The following SWAP70 variants were observed in gnomAD, a reference collection of about 807,000 sequenced individuals.
The protein encoded by SWAP70 is switch-associated protein 70.
SWAP70 carries 34 observed loss-of-function variants against 80.2 expected under a neutral mutation model. The observed-to-expected ratio is 0.42, with a 90% CI of 0.32 to 0.56. The LOEUF is 0.56. SWAP70 is among the 20% of genes least tolerant of loss of function. The pLI is 0.09. For missense variants in SWAP70, 578 were observed against 690.7 expected (o/e 0.84, Z 1.83); for synonymous variants, 239 against 238.5 (o/e 1.00, Z -0.02).
At chr11:9,728,647 A>G (rs767820435) in intron 5 of SWAP70, among the ~76,000 whole-genome samples, 4 of 152,244 alleles carry the variant, frequency 2.6e-5, no homozygotes, top group Non-Finnish European at 5.9e-5. Flanking sequence ...CACTTTATTC[A>G]TAGGTACTAA....
At chr11:9,744,801 G>A (rs57590863) in intron 9 of SWAP70, among the ~76,000 whole-genome samples, 1 of 151,886 alleles carries the variant, frequency 6.6e-6, no homozygotes, top group Non-Finnish European at 1.5e-5. Context: ...CCAGCTACTC[G>A]GGAGGCTGAG....
intron 1 of SWAP70, among the ~76,000 whole-genome samples, chr11:9,685,808 A>G (rs781385577): frequency 3.2e-4 from 49 of 151,950 alleles, no homozygotes; most frequent in Non-Finnish European, 1.3e-4. Flanking sequence ...TAATTTTTGT[A>G]TTTTTAGTAG....
chr11:9,681,986 C>T (rs543522476), intron 1 of SWAP70, among the ~76,000 whole-genome samples: 5 of 152,262 alleles, frequency 3.3e-5, no homozygotes, highest in South Asian at 2.1e-4. Context: ...AATGGGAAAT[C>T]ACTTCTCTTT....
intron 6 of SWAP70, among the ~76,000 whole-genome samples, chr11:9,731,496 G>A (rs1289075924): frequency 1.3e-5 from 2 of 152,192 alleles, no homozygotes; most frequent in African/African-American, 2.4e-5. Context: ...GACATAGATT[G>A]CAAACAATCT....
At chr11:9,694,111 T>C in intron 1 of SWAP70, 35 bp from the exon 2 acceptor site, 1 of 1,565,888 alleles carries the variant, frequency 6.4e-7, no homozygotes, top group South Asian at 1.2e-5. Flanking sequence ...TGCTGGTTAG[T>C]GGGAGTCTTT....
At chr11:9,671,621 T>TAA (rs1850398375) in intron 1 of SWAP70, among the ~76,000 whole-genome samples, 1 of 89,160 alleles carries the variant, frequency 1.1e-5, no homozygotes. Flanking sequence ...AATATATTTC[T>TAA]ATATAAATAT....
chr11:9,719,534 TAA>T (rs953848431), intron 3 of SWAP70, among the ~76,000 whole-genome samples: 11 of 144,866 alleles, frequency 7.6e-5, no homozygotes, highest in African/African-American at 1.8e-4. Context: ...AGACTCCATC[TAA>T]AAAAAAAAAA....
intron 8 of SWAP70, among the ~76,000 whole-genome samples, chr11:9,739,466 A>T (rs1271098459): frequency 2.0e-5 from 3 of 152,258 alleles, no homozygotes. Context: ...GGATTATCAC[A>T]TGCTCTCTCA....
At chr11:9,729,597 C>A in intron 6 of SWAP70, 146 bp downstream of exon 6, 1 of 653,444 alleles carries the variant, frequency 1.5e-6, no homozygotes, top group Non-Finnish European at 2.7e-6. Context: ...CTCCTGGGTT[C>A]AAGCAATTAT....
chr11:9,724,716 A>G lies in SWAP70; in HGVS notation c.473A>G (p.Gln158Arg). 1 of 1,614,190 alleles carries G rather than the reference A, an allele frequency of 6.2e-7. No individual in the cohort carries two copies. Among genetic ancestry groups the G allele is most frequent in the Non-Finnish European group, 8.5e-7 (1 of 1,180,030 alleles). The change falls in exon 4 of 12, where the codon CAA becomes CGA. Residue 158 changes from glutamine (Q) to arginine (R), a missense_variant. Coordinates refer to ENST00000318950, the MANE Select transcript of SWAP70 (RefSeq NM_015055.4). ...ATGGGAGGAGGTTGGCAGCAAGAACAATTTGAACATTATAAAATCAACTTT... is the reference window on the plus strand; with the variant it reads ...ATGGGAGGAGGTTGGCAGCAAGAACGATTTGAACATTATAAAATCAACTTT... Reference protein sequence around the residue: ...EAMGGGWQQEQFEHYKINFDD... With the variant: ...EAMGGGWQQERFEHYKINFDD...
intron 4 of SWAP70, among the ~76,000 whole-genome samples, chr11:9,726,178 A>G (rs1218585863): frequency 6.6e-6 from 1 of 152,166 alleles, no homozygotes; most frequent in Non-Finnish European, 1.5e-5. Context: ...TGTGGAAAAA[A>G]AAATACCTTT....
intron 9 of SWAP70, among the ~76,000 whole-genome samples, chr11:9,743,023 A>G (rs1358219467): frequency 6.8e-6 from 1 of 147,394 alleles, no homozygotes; most frequent in African/African-American, 2.5e-5. Context: ...AGCATTAGGT[A>G]TATCTCCTAA....
At chr11:9,671,602 T>TA (rs1850396733) in intron 1 of SWAP70, among the ~76,000 whole-genome samples, 2 of 66,730 alleles carry the variant, frequency 3.0e-5, no homozygotes, top group Non-Finnish European at 5.6e-5. Context: ...ATAAATATAT[T>TA]TATATAGAAA....
At chr11:9,685,967 A>G (rs1486906151) in intron 1 of SWAP70, among the ~76,000 whole-genome samples, 1 of 152,166 alleles carries the variant, frequency 6.6e-6, no homozygotes, top group Non-Finnish European at 1.5e-5. Context: ...CACATTGGAG[A>G]TTAAGTTTCA....
chr11:9,674,391 A>G (rs1306569611), intron 1 of SWAP70, among the ~76,000 whole-genome samples: 3 of 152,114 alleles, frequency 2.0e-5, no homozygotes, highest in Non-Finnish European at 4.4e-5. Flanking sequence ...GAACTATAGA[A>G]CACAGATTTA....
At chr11:9,718,060 G>C (rs1403397993) in intron 3 of SWAP70, among the ~76,000 whole-genome samples, 1 of 152,242 alleles carries the variant, frequency 6.6e-6, no homozygotes, top group African/African-American at 2.4e-5. Flanking sequence ...CTGTAGGCCA[G>C]AGCCCAGCCA....
At chr11:9,696,122 A>T (rs1850754335) in intron 2 of SWAP70, among the ~76,000 whole-genome samples, 1 of 152,210 alleles carries the variant, frequency 6.6e-6, no homozygotes, top group Admixed American at 6.5e-5. Context: ...CAGACTTTTC[A>T]GGGTACCACT....
intron 2 of SWAP70, among the ~76,000 whole-genome samples, chr11:9,695,984 C>A (rs188654216): frequency 1.3e-5 from 2 of 151,866 alleles, no homozygotes; most frequent in Non-Finnish European, 2.9e-5. Flanking sequence ...TTTGTAGAGA[C>A]GGGGCTTTGC....
chr11:9,725,910 A>T (rs1590040330), intron 4 of SWAP70, among the ~76,000 whole-genome samples: 2 of 152,260 alleles, frequency 1.3e-5, no homozygotes, highest in East Asian at 3.9e-4. Context: ...ATAACCACTG[A>T]TCCAGAAAGA....
Sources: gnomAD v4.1 joint callset for allele counts (sites outside exome capture counted in the v4.1 genomes callset) on GRCh38, gnomAD v4.1.1 for gene constraint, MANE v1.5 for transcripts, NCBI Gene and HGNC (gene_info 2026-07-23, HGNC 2026-07-21) for gene names.